The following PRR14L variants were observed in gnomAD, a reference collection of about 807,000 sequenced individuals.
The protein encoded by PRR14L is protein PRR14L.
In PRR14L, 80 loss-of-function variants were observed where a neutral mutation model predicts 155.0. The observed-to-expected ratio is 0.52, with a 90% CI of 0.43 to 0.62. The LOEUF is 0.62. Ranked by LOEUF, PRR14L falls within the 20% of genes least tolerant of loss-of-function variation. The probability of loss-of-function intolerance (pLI) is 0.00; values close to 1 mark genes in which losing one functional copy is unlikely to be tolerated. For synonymous variants in PRR14L, 883 were observed against 916.0 expected, an observed-to-expected ratio of 0.96 and a Z score of 0.65; for missense variants, 2,469 against 2,548.0, an observed-to-expected ratio of 0.97 and a Z score of 0.67.
intron 2 of PRR14L, among the ~76,000 whole-genome samples, chr22:31,737,765 C>T (rs963309800): frequency 6.6e-6 from 1 of 152,084 alleles, no homozygotes; most frequent in African/African-American, 2.4e-5. Flanking sequence ...GTAATCCCAC[C>T]ACTTTAGGAG....
chr22:31,745,173 C>T (rs142883119), intron 1 of PRR14L, among the ~76,000 whole-genome samples: 11 of 152,168 alleles, frequency 7.2e-5, no homozygotes, highest in African/African-American at 2.2e-4. Flanking sequence ...GTCAGGAGAT[C>T]GAGACCATCC....
At chr22:31,748,756 A>G (rs2074854485) in intron 1 of PRR14L, among the ~76,000 whole-genome samples, 1 of 152,190 alleles carries the variant, frequency 6.6e-6, no homozygotes, top group Non-Finnish European at 1.5e-5. Flanking sequence ...CCTTCTGTGG[A>G]CAAAGGAAGT....
chr22:31,724,281 G>A (rs984765478), intron 3 of PRR14L, among the ~76,000 whole-genome samples: 1 of 152,200 alleles, frequency 6.6e-6, no homozygotes, highest in Non-Finnish European at 1.5e-5. Context: ...TAAATGCAAT[G>A]CACTTGAATC....
At chr22:31,686,463 C>A (rs550139703) in intron 8 of PRR14L, among the ~76,000 whole-genome samples, 1 of 151,884 alleles carries the variant, frequency 6.6e-6, no homozygotes, top group Non-Finnish European at 1.5e-5. Flanking sequence ...CTCTGTTACT[C>A]AGGCTGGAGT....
intron 2 of PRR14L, among the ~76,000 whole-genome samples, chr22:31,735,482 A>C (rs2147874411): frequency 6.6e-6 from 1 of 151,796 alleles, no homozygotes; most frequent in East Asian, 1.9e-4. Flanking sequence ...TCTAGTTCTT[A>C]GGTTGATTGT....
intron 2 of PRR14L, among the ~76,000 whole-genome samples, chr22:31,729,169 AG>A (rs2147871484): frequency 6.6e-6 from 1 of 152,356 alleles, no homozygotes; most frequent in Non-Finnish European, 1.5e-5. Flanking sequence ...CACCCTCAGC[AG>A]GGTGATCTTG....
At position 31,715,178 on chromosome 22, in the gene PRR14L, G is replaced by C. The variant is rs1330832870; in HGVS notation, c.2661C>G (p.Asn887Lys). The C allele has an allele frequency of 1.3e-6, 2 of 1,551,962 alleles. No individual in the cohort carries two copies. Among genetic ancestry groups the C allele is most frequent in the Non-Finnish European group, 1.7e-6 (2 of 1,147,000 alleles). ...TGCTACTGGAGGTGTGAATGGTTTTGTTTGAAATTCCACTATTTAACAAGC... is the reference window on the plus strand; with the variant it reads ...TGCTACTGGAGGTGTGAATGGTTTTCTTTGAAATTCCACTATTTAACAAGC... ...VAGLLNSGIS[N>K]KTIHTSSSIK... The change falls in exon 4 of 9, where the codon AAC (asparagine) becomes AAG (lysine). Residue 887 changes from asparagine (N) to lysine (K), a missense_variant. By Grantham distance (94) the Asn-to-Lys change is moderately conservative. Transcript: ENST00000327423.
chr22:31,688,102 T>G (rs2074491658), intron 8 of PRR14L, 54 bp downstream of exon 8: 1 of 1,523,716 alleles, frequency 6.6e-7, no homozygotes, highest in Admixed American at 1.9e-5. Context: ...GGCTGGAGAT[T>G]CACATCAATC....
intron 7 of PRR14L, among the ~76,000 whole-genome samples, chr22:31,689,430 C>T (rs1601490638): frequency 6.6e-6 from 1 of 152,220 alleles, no homozygotes; most frequent in Non-Finnish European, 1.5e-5. Context: ...TCATCTTATT[C>T]ATTTCCTGCC....
chr22:31,716,583 T>A lies in PRR14L; in HGVS notation c.1256A>T (p.Glu419Val), dbSNP rs894170969. ...RGGPFLFNAR[E>V]PEKEISGRCS... is the part of the protein sequence containing the mutation. ...ACGACCACTAATCTCCTTTTCTGGT[T>A]CCCTGGCATTAAAAAGAAAAGGTCC... is the stretch of plus-strand genomic sequence containing the variant. The change falls in exon 4 of 9, where the codon GAA becomes GTA. Residue 419 changes from glutamate (E) to valine (V), a missense_variant. Transcript: ENST00000327423. 5 of 1,549,242 alleles carry A rather than the reference T, an allele frequency of 3.2e-6. No individual in the cohort carries two copies. Among genetic ancestry groups the A allele is most frequent in the African/African-American group, 1.4e-5 (1 of 72,776 alleles).
intron 4 of PRR14L, among the ~76,000 whole-genome samples, chr22:31,711,260 G>A (rs532774236): frequency 6.6e-5 from 10 of 152,074 alleles, no homozygotes; most frequent in Non-Finnish European, 1.5e-4. Flanking sequence ...ATCACCGGAC[G>A]CCAGGAGTTC....
chr22:31,690,673 G>C (rs1390212867), intron 7 of PRR14L, among the ~76,000 whole-genome samples: 1 of 147,650 alleles, frequency 6.8e-6, no homozygotes, highest in Non-Finnish European at 1.5e-5. Flanking sequence ...ACGGAGTCTT[G>C]CTCTGTCGCC....
chr22:31,720,686 G>A (rs1032000113), intron 3 of PRR14L, among the ~76,000 whole-genome samples: 4 of 152,238 alleles, frequency 2.6e-5, no homozygotes, highest in African/African-American at 9.6e-5. Flanking sequence ...AGTGAGCCAA[G>A]ATCGTGCCAC....
chr22:31,748,326 A>T (rs147135505), intron 1 of PRR14L, among the ~76,000 whole-genome samples: 1 of 152,206 alleles, frequency 6.6e-6, no homozygotes, highest in Non-Finnish European at 1.5e-5. Flanking sequence ...TTCATACACT[A>T]AACAGGGCAA....
Position 31,738,746 on chromosome 22 carries a change from C to T in PRR14L, c.115G>A (p.Asp39Asn). The part of the protein sequence containing the change: ...PVSVSRELHA[D>N]PEPSVIPDVK... ...TCTGGAATCACACTTGGCTCAGGGT[C>T]AGCATGAAGCTCTCTGGAGACACTT... Residue 39 changes from aspartate to asparagine, a missense_variant, in exon 2 of 9, where the codon GAC becomes AAC. This residue lies in a region of PRR14L where 2,363 missense variants were observed against 2,371.6 expected (regional missense o/e 1.00). Coordinates refer to ENST00000327423, the MANE Select transcript of PRR14L (RefSeq NM_173566.3). 6.4e-7 allele frequency: 1 copy of T among 1,551,912 alleles called. No individual in the cohort carries two copies. Among genetic ancestry groups the T allele is most frequent in the Non-Finnish European group, 8.7e-7 (1 of 1,147,054 alleles).
intron 3 of PRR14L, among the ~76,000 whole-genome samples, chr22:31,719,763 G>T (rs2074680339): frequency 6.6e-6 from 1 of 150,942 alleles, no homozygotes. Flanking sequence ...TTGAGACAGG[G>T]TCTCGCTTTG....
chr22:31,728,523 G>A (rs940333684), intron 2 of PRR14L, among the ~76,000 whole-genome samples: 7 of 151,352 alleles, frequency 4.6e-5, no homozygotes, highest in Non-Finnish European at 8.8e-5. Flanking sequence ...TGAGGCAGGA[G>A]AATGGCTTGA....
At chr22:31,691,315 A>G (rs1468959103) in intron 7 of PRR14L, among the ~76,000 whole-genome samples, 2 of 149,582 alleles carry the variant, frequency 1.3e-5, no homozygotes, top group Non-Finnish European at 3.0e-5. Context: ...CTAGCTTTGA[A>G]CTCCTCAGCT....
chr22:31,730,138 TAA>T (rs534900377), intron 2 of PRR14L, among the ~76,000 whole-genome samples: 25 of 113,366 alleles, frequency 2.2e-4, no homozygotes, highest in Admixed American at 2.0e-4. Flanking sequence ...AGACTCAGTC[TAA>T]AAAAAAAAAA....
Sources: allele counts gnomAD v4.1 joint callset (sites outside exome capture counted in the v4.1 genomes callset), GRCh38; gene constraint gnomAD v4.1.1; regional missense constraint gnomAD v4.1.1; transcripts MANE v1.5; gene names NCBI Gene and HGNC (gene_info 2026-07-23, HGNC 2026-07-21).